Variants in CDH18 observed in about 807,000 individuals in gnomAD.
CDH18 encodes the protein cadherin-18.
A neutral mutation model predicts 67.9 loss-of-function variants in CDH18; 31 were observed. The observed-to-expected ratio is 0.46, with a 90% confidence interval of 0.34 to 0.62. The LOEUF is 0.62. Ranked by LOEUF, CDH18 falls within the 20% of genes least tolerant of loss-of-function variation. CDH18 has a pLI of 0.01. For synonymous variants in CDH18, 362 were observed against 347.2 expected (o/e 1.04, Z -0.48); for missense variants, 890 against 975.5 (o/e 0.91, Z 1.17).
intron 3 of CDH18, among the ~76,000 whole-genome samples, chr5:19,832,784 G>A (rs1781201792): frequency 6.6e-6 from 1 of 152,020 alleles, no homozygotes; most frequent in African/African-American, 2.4e-5. Flanking sequence ...CTGTATAGGA[G>A]ATATTTTCCC....
chr5:20,140,087 G>A (rs1286007436), intron 2 of CDH18, among the ~76,000 whole-genome samples: 1 of 152,168 alleles, frequency 6.6e-6, no homozygotes, highest in Non-Finnish European at 1.5e-5. Context: ...ATTAATGATA[G>A]ACTGGATTAA....
chr5:20,203,581 AAG>A (rs57913549), intron 2 of CDH18, among the ~76,000 whole-genome samples: 13 of 145,520 alleles, frequency 8.9e-5, no homozygotes, highest in South Asian at 2.2e-4. Context: ...GTGGAGGGAA[AAG>A]AGAGAGAGAG....
intron 2 of CDH18, among the ~76,000 whole-genome samples, chr5:20,213,564 G>T (rs1453234901): frequency 3.3e-5 from 5 of 151,944 alleles, no homozygotes; most frequent in Non-Finnish European, 5.9e-5. Context: ...GCTCATTATT[G>T]GTTTGTTCAG....
intron 2 of CDH18, among the ~76,000 whole-genome samples, chr5:20,068,973 G>T (rs548425229): frequency 2.7e-4 from 41 of 152,106 alleles, no homozygotes; most frequent in Non-Finnish European, 5.3e-4. Context: ...ACGTCACGCT[G>T]AAATTTTTTT....
At chr5:20,249,214 T>A (rs2973202) in intron 2 of CDH18, among the ~76,000 whole-genome samples, 43,977 of 152,046 alleles carry the variant, frequency 0.29, 6,872 homozygotes, top group Non-Finnish European at 0.35. Context: ...GTGATTTTTT[T>A]AAATTATTTT....
At chr5:20,279,579 A>G (rs1746066260) in intron 1 of CDH18, among the ~76,000 whole-genome samples, 2 of 151,512 alleles carry the variant, frequency 1.3e-5, no homozygotes, top group Admixed American at 1.3e-4. Flanking sequence ...GTCACCTGTA[A>G]TCCCAGCTAC....
intron 2 of CDH18, among the ~76,000 whole-genome samples, chr5:19,949,701 G>C (rs1483827778): frequency 6.6e-6 from 1 of 152,014 alleles, no homozygotes; most frequent in East Asian, 1.9e-4. Context: ...TGTCTGAATA[G>C]ATAAAATACG....
intron 2 of CDH18, among the ~76,000 whole-genome samples, chr5:19,881,257 C>T (rs1439485740): frequency 6.6e-6 from 1 of 152,062 alleles, no homozygotes; most frequent in African/African-American, 2.4e-5. Flanking sequence ...ATGTAAATAT[C>T]TAGACAAATA....
At chr5:19,779,478 A>C (rs1774834783) in intron 3 of CDH18, among the ~76,000 whole-genome samples, 1 of 152,170 alleles carries the variant, frequency 6.6e-6, no homozygotes, top group South Asian at 2.1e-4. Flanking sequence ...AGTGGTAAGC[A>C]ATCTATTGTT....
At chr5:20,185,973 A>G (rs903797008) in intron 2 of CDH18, among the ~76,000 whole-genome samples, 2 of 152,020 alleles carry the variant, frequency 1.3e-5, no homozygotes, top group East Asian at 3.9e-4. Flanking sequence ...TGAGAAGTGA[A>G]GGGGAGAAGA....
At chr5:19,770,278 T>G (rs986140282) in intron 3 of CDH18, among the ~76,000 whole-genome samples, 1 of 151,532 alleles carries the variant, frequency 6.6e-6, no homozygotes, top group African/African-American at 2.4e-5. Flanking sequence ...AAAAGATACA[T>G]GAAAATGGAA....
At chr5:20,402,424 A>G (rs909707885) in intron 1 of CDH18, among the ~76,000 whole-genome samples, 1 of 152,210 alleles carries the variant, frequency 6.6e-6, no homozygotes, top group Non-Finnish European at 1.5e-5. Flanking sequence ...TTAGTGAGAG[A>G]ATAAGAATCA....
intron 2 of CDH18, among the ~76,000 whole-genome samples, chr5:19,961,023 G>A (rs1007694519): frequency 6.6e-6 from 1 of 151,280 alleles, no homozygotes; most frequent in South Asian, 2.1e-4. Context: ...CACCACAAAC[G>A]TGAGTAATTC....
chr5:19,649,132 G>T (rs906817380), intron 5 of CDH18, among the ~76,000 whole-genome samples: 1 of 152,082 alleles, frequency 6.6e-6, no homozygotes, highest in Non-Finnish European at 1.5e-5. Flanking sequence ...TAATAATAAA[G>T]ATTAATATTA....
In CDH18 at chr5:19,742,918, T is replaced by C. The variant is rs1769419815; in HGVS notation, c.523+4024A>G. ...CATTATTATTAGTCTTCAGTTAGCATTAGAAACCAGTACATTTTTAAGTGT... is the reference window on the plus strand; with the variant it reads ...CATTATTATTAGTCTTCAGTTAGCACTAGAAACCAGTACATTTTTAAGTGT... On this transcript the variant is annotated intron_variant, in intron 4 of 12. Transcript: ENST00000382275. 2.6e-5 allele frequency among the ~76,000 whole-genome samples: 4 copies of C among 152,304 alleles called. No individual in the cohort carries two copies. In the South Asian group the frequency reaches 8.3e-4, roughly 32 times the overall value.
At chr5:20,349,006 T>A (rs1034238477) in intron 1 of CDH18, among the ~76,000 whole-genome samples, 1 of 152,176 alleles carries the variant, frequency 6.6e-6, no homozygotes, top group African/African-American at 2.4e-5. Context: ...GCATTGGAAA[T>A]GTGTATTTAC....
At chr5:19,828,287 T>C (rs1311197067) in intron 3 of CDH18, among the ~76,000 whole-genome samples, 4 of 152,124 alleles carry the variant, frequency 2.6e-5, no homozygotes, top group Non-Finnish European at 1.5e-5. Flanking sequence ...TGAAAAGATG[T>C]ATAAGGAAGA....
intron 1 of CDH18, among the ~76,000 whole-genome samples, chr5:20,368,040 C>CA (rs891688439): frequency 3.3e-5 from 5 of 151,876 alleles, no homozygotes; most frequent in Admixed American, 1.3e-4. Context: ...TTCCACTGTG[C>CA]AAAAAAAGGA....
intron 2 of CDH18, among the ~76,000 whole-genome samples, chr5:19,979,934 A>G (rs1346798972): frequency 1.3e-5 from 2 of 152,162 alleles, no homozygotes; most frequent in Non-Finnish European, 2.9e-5. Flanking sequence ...CTCCACTTCA[A>G]CATAGTACTG....
Sources: allele counts gnomAD v4.1 joint callset (sites outside exome capture counted in the v4.1 genomes callset), GRCh38; gene constraint gnomAD v4.1.1; transcripts MANE v1.5; gene names NCBI Gene and HGNC (gene_info 2026-07-23, HGNC 2026-07-21).